Variants in CREBL2 observed in about 807,000 individuals in gnomAD.
CREBL2 encodes cAMP responsive element binding protein like 2, also known as cAMP-responsive element-binding protein-like 2.
A neutral mutation model predicts 19.5 loss-of-function variants in CREBL2; 4 were observed. The observed-to-expected ratio is 0.20, with a 90% CI of 0.10 to 0.47. The LOEUF (loss-of-function observed/expected upper bound fraction) is 0.47, where lower values mean the gene tolerates loss of function less well. Ranked by LOEUF, CREBL2 falls within the 20% of genes least tolerant of loss-of-function variation. CREBL2 has a pLI of 0.98. For synonymous variants in CREBL2, 42 were observed against 46.6 expected, an observed-to-expected ratio of 0.90 and a Z score of 0.40; for missense variants, 85 against 145.1, an observed-to-expected ratio of 0.59 and a Z score of 2.13.
intron 1 of CREBL2, among the ~76,000 whole-genome samples, chr12:12,624,312 C>T (rs1945383821): frequency 6.6e-6 from 1 of 152,152 alleles, no homozygotes; most frequent in Admixed American, 6.5e-5. Flanking sequence ...TCTGGCAGCT[C>T]TTTGCAAAAT....
chr12:12,612,095 C>G lies in CREBL2; in HGVS notation c.-78C>G. The G allele has an allele frequency of 6.4e-7, 1 of 1,561,480 alleles. No individual in the cohort carries two copies. The highest frequency in any genetic ancestry group is 1.1e-5 in the South Asian group (1 of 90,034). On this transcript the variant is annotated 5_prime_UTR_variant, in exon 1 of 4. Transcript: ENST00000228865. ...AACCATATCCCCTTCTTCCTCGGGG[C>G]GGGGGCCGGGCCAGGCCGGCTGAGC...
At chr12:12,622,193 T>C (rs941308710) in intron 1 of CREBL2, among the ~76,000 whole-genome samples, 1 of 152,224 alleles carries the variant, frequency 6.6e-6, no homozygotes, top group Non-Finnish European at 1.5e-5. Flanking sequence ...TAATACATAC[T>C]GAGTTCAATA....
intron 1 of CREBL2, among the ~76,000 whole-genome samples, chr12:12,625,418 C>T (rs2284794): frequency 0.31 from 46,646 of 152,100 alleles, 7,493 homozygotes; most frequent in East Asian, 0.41. Context: ...TTAACCTCCT[C>T]AGCACACCCC....
chr12:12,629,582 G>A (rs1033377642), intron 1 of CREBL2, among the ~76,000 whole-genome samples: 3 of 152,144 alleles, frequency 2.0e-5, no homozygotes, highest in Non-Finnish European at 2.9e-5. Flanking sequence ...CAAGGAGATA[G>A]CTTTACTTTT....
chr12:12,644,269 A>T lies in CREBL2; in HGVS notation c.*2271A>T, dbSNP rs1474564351. The T allele has an allele frequency of 6.6e-6, 1 of 152,184 alleles. No homozygotes were observed. Among genetic ancestry groups the T allele is most frequent in the Non-Finnish European group, 1.5e-5 (1 of 68,026 alleles). 9.4% of individuals were successfully genotyped at this position (152,184 alleles called of 1,614,324 possible). A position where few individuals can be genotyped will look rare whatever the true frequency, so the allele number is the denominator to read the frequency against. ...TTGCCTCGGCTATTGTGCTGGCTGG[A>T]CACTTTGGTCACTTTTGAAGCATGT... is the stretch of plus-strand genomic sequence containing the variant. On this transcript the variant is annotated 3_prime_UTR_variant, in exon 4 of 4. Transcript: ENST00000228865.
At position 12,629,708 on chromosome 12, in the gene CREBL2, G is replaced by A. The variant is rs193192900; in HGVS notation, c.16-6069G>A. Among the ~76,000 whole-genome samples, 1,292 of 152,212 alleles carry A rather than the reference G, an allele frequency of 8.5e-3. 13 individuals are homozygous for A. The highest frequency in any genetic ancestry group is 0.029 in the African/African-American group (1,221 of 41,532). On this transcript the variant is annotated intron_variant, in intron 1 of 3. Coordinates refer to ENST00000228865, the MANE Select transcript of CREBL2 (RefSeq NM_001310.4). ...CATGATCTTTGGGGGAAAGCATTCA[G>A]TATTCTACCATTAGTAAGATGTTAG...
intron 1 of CREBL2, among the ~76,000 whole-genome samples, chr12:12,620,934 G>T (rs942869666): frequency 6.6e-6 from 1 of 152,152 alleles, no homozygotes; most frequent in Non-Finnish European, 1.5e-5. Flanking sequence ...AGTAAGAGTG[G>T]GTGCTTAACT....
intron 3 of CREBL2, among the ~76,000 whole-genome samples, chr12:12,638,501 A>G (rs573012908): frequency 8.5e-5 from 13 of 152,312 alleles, no homozygotes; most frequent in Admixed American, 7.8e-4. Flanking sequence ...CATGGAGTCT[A>G]TAAAGAGCAA....
At chr12:12,625,429 TTAAC>T (rs1462555675) in intron 1 of CREBL2, among the ~76,000 whole-genome samples, 1 of 152,250 alleles carries the variant, frequency 6.6e-6, no homozygotes, top group Non-Finnish European at 1.5e-5. Context: ...AGCACACCCC[TTAAC>T]TGAGTGCCTA....
At chr12:12,622,787 G>A (rs1387974753) in intron 1 of CREBL2, among the ~76,000 whole-genome samples, 3 of 152,088 alleles carry the variant, frequency 2.0e-5, no homozygotes, top group Non-Finnish European at 4.4e-5. Context: ...CTTTAAAGTG[G>A]TAAAGAGCAG....
At chr12:12,614,802 T>C in intron 1 of CREBL2, 1 of 386,566 alleles carries the variant, frequency 2.6e-6, no homozygotes, top group South Asian at 2.1e-5. Flanking sequence ...AACAGAATGC[T>C]GGGTAACATT....
intron 1 of CREBL2, among the ~76,000 whole-genome samples, chr12:12,628,527 A>G (rs1204709796): frequency 6.6e-6 from 1 of 152,234 alleles, no homozygotes; most frequent in African/African-American, 2.4e-5. Flanking sequence ...CTAAGAAACC[A>G]TTGCCTAATC....
At chr12:12,614,823 C>T (rs1592236251) in intron 1 of CREBL2, 1 of 365,496 alleles carries the variant, frequency 2.7e-6, no homozygotes, top group Non-Finnish European at 5.4e-6. Flanking sequence ...GTAGACTCTT[C>T]CAGTTTTGCC....
Position 12,612,193 on chromosome 12 carries a change from T to C in CREBL2, c.15+6T>C. ...CCGCGATGGATGACAGTAAGGTAAG[T>C]CTTGTGGTTTGCACGCGCCGCCGCC... On this transcript the variant is annotated splice_donor_region_variant and intron_variant, in intron 1 of 3. Transcript: ENST00000228865. 1 of 1,613,538 alleles carries C rather than the reference T, an allele frequency of 6.2e-7. No homozygotes were observed. Among genetic ancestry groups the C allele is most frequent in the Non-Finnish European group, 8.5e-7 (1 of 1,180,004 alleles).
At chr12:12,618,450 C>T (rs1218629205) in intron 1 of CREBL2, among the ~76,000 whole-genome samples, 3 of 148,622 alleles carry the variant, frequency 2.0e-5, no homozygotes, top group Admixed American at 6.7e-5. Flanking sequence ...GGGGCAGAGG[C>T]GCTCCCCACA....
intron 3 of CREBL2, among the ~76,000 whole-genome samples, chr12:12,638,330 A>G (rs1389629077): frequency 6.6e-6 from 1 of 152,136 alleles, no homozygotes; most frequent in Non-Finnish European, 1.5e-5. Flanking sequence ...CCAGCTACTC[A>G]GGAGTCTGAA....
intron 1 of CREBL2, among the ~76,000 whole-genome samples, chr12:12,617,525 A>G (rs1212658371): frequency 6.6e-6 from 1 of 152,112 alleles, no homozygotes; most frequent in Non-Finnish European, 1.5e-5. Context: ...AAGCTCTAGT[A>G]CAGACTCTAA....
chr12:12,613,592 G>A (rs888877177), intron 1 of CREBL2, among the ~76,000 whole-genome samples: 1 of 152,170 alleles, frequency 6.6e-6, no homozygotes, highest in African/African-American at 2.4e-5. Context: ...GCAGTACTCT[G>A]GAATTGTTAC....
chr12:12,630,051 A>G (rs1945432077), intron 1 of CREBL2, among the ~76,000 whole-genome samples: 1 of 152,096 alleles, frequency 6.6e-6, no homozygotes, highest in South Asian at 2.1e-4. Context: ...TCACAAGACC[A>G]TATTGGTCTG....
Sources: allele counts gnomAD v4.1 joint callset (sites outside exome capture counted in the v4.1 genomes callset), GRCh38; gene constraint gnomAD v4.1.1; transcripts MANE v1.5; gene names NCBI Gene and HGNC (gene_info 2026-07-23, HGNC 2026-07-21).